Variants in CCAR1 observed in about 807,000 individuals in gnomAD.
CCAR1 encodes cell division cycle and apoptosis regulator 1.
Under a neutral mutation model 163.8 loss-of-function variants are expected in CCAR1, and 78 were observed. The ratio of observed to expected loss-of-function variants is 0.48; its 90% CI spans 0.40 to 0.57. CCAR1 has a LOEUF of 0.57. CCAR1 is among the 20% of genes least tolerant of loss of function. The probability of loss-of-function intolerance (pLI) is 0.00; values close to 1 mark genes in which losing one functional copy is unlikely to be tolerated. For synonymous variants in CCAR1, 443 were observed against 460.7 expected (o/e 0.96, Z 0.49); for missense variants, 1,019 against 1,365.2 (o/e 0.75, Z 4.00).
chr10:68,757,388 TA>T lies in CCAR1; in HGVS notation c.1920+13del. 7.2e-7 allele frequency: 1 copy of T among 1,382,456 alleles called. No individual in the cohort carries two copies. The highest frequency in any genetic ancestry group is 1.0e-6 in the Non-Finnish European group (1 of 978,784). 85.6% of individuals were successfully genotyped at this position (1,382,456 alleles called of 1,614,324 possible). ...CCAAAGACAATGAAGGTAACTTTGA[TA>T]AGGATGGATTTTATTTATTTTTTTC... On this transcript the variant is annotated intron_variant, in intron 15 of 24. Coordinates refer to ENST00000265872, the MANE Select transcript of CCAR1 (RefSeq NM_018237.4).
rs1487511922 is a variant in CCAR1, at chr10:68,792,052, C to G, written c.*786C>G. The G allele has an allele frequency of 6.9e-6, 1 of 144,804 alleles. No individual in the cohort carries two copies. Among genetic ancestry groups the G allele is most frequent in the East Asian group, 2.0e-4 (1 of 4,954 alleles). 9.0% of individuals were successfully genotyped at this position (144,804 alleles called of 1,614,324 possible). A position where few individuals can be genotyped will look rare whatever the true frequency, so the allele number is the denominator to read the frequency against. On this transcript the variant is annotated 3_prime_UTR_variant, in exon 25 of 25. Transcript: ENST00000265872. ...TGCAGCTACACTCCAGCCTGGGCGACAAGAGTGAAACTCCATCTCAAAAAG... is the reference window on the plus strand; with the variant it reads ...TGCAGCTACACTCCAGCCTGGGCGAGAAGAGTGAAACTCCATCTCAAAAAG...
At position 68,789,712 on chromosome 10, in the gene CCAR1, G is replaced by A; in HGVS notation, c.3190G>A (p.Glu1064Lys). The A allele has an allele frequency of 6.5e-7, 1 of 1,549,904 alleles. No homozygotes were observed. Among genetic ancestry groups the A allele is most frequent in the African/African-American group, 1.4e-5 (1 of 71,826 alleles). Reference sequence around the variant, plus strand: ...AATTTTTGGATTTTTTTAAACAGATGAAGATGAAAAAACCATATTAAATTT... The same window carrying A: ...AATTTTTGGATTTTTTTAAACAGATAAAGATGAAAAAACCATATTAAATTT... ...KLQLLEEKTD[E>K]DEKTILNLEN... Residue 1064 changes from glutamate (E) to lysine (K), a missense_variant and splice_region_variant, in exon 24 of 25, where the codon GAA becomes AAA. By Grantham distance (56) the Glu-to-Lys change is moderately conservative. Around this residue, in one of 4 missense-constraint regions of CCAR1, gnomAD observed 358 missense variants for 406.4 expected, o/e 0.88. Transcript: ENST00000265872.
At position 68,791,330 on chromosome 10, in the gene CCAR1, G is replaced by A; in HGVS notation, c.*64G>A. 1 of 1,143,688 alleles carries A rather than the reference G, an allele frequency of 8.7e-7. No individual in the cohort carries two copies. Among genetic ancestry groups the A allele is most frequent in the Non-Finnish European group, 1.3e-6 (1 of 786,056 alleles). 70.8% of individuals were successfully genotyped at this position (1,143,688 alleles called of 1,614,324 possible). ...GTAATATATAAAAATCATGATATAA[G>A]AATGTTTGAAGGTGATGCATGTTTG... On this transcript the variant is annotated 3_prime_UTR_variant, in exon 25 of 25. Transcript: ENST00000265872.
In CCAR1 at chr10:68,772,963, A is replaced by G. The variant is rs758527094; in HGVS notation, c.2539-25A>G. On this transcript the variant is annotated intron_variant, in intron 18 of 24. Transcript: ENST00000265872. ...CCGTCTTCTAAAAATAAGTAAATAA[A>G]TAATAAAGGCATTTTAAATTATAGA... is the stretch of plus-strand genomic sequence containing the variant. 6 of 1,193,074 alleles carry G rather than the reference A, an allele frequency of 5.0e-6. No individual in the cohort carries two copies. In the Admixed American group the frequency reaches 1.4e-4, roughly 28 times the overall value. The allele number at this position is 1,193,074 out of a possible 1,614,324, so 73.9% of individuals were successfully genotyped here.
At chr10:68,755,198 C>A in intron 12 of CCAR1, 172 bp from the exon 13 acceptor site, 1 of 765,864 alleles carries the variant, frequency 1.3e-6, no homozygotes, top group Non-Finnish European at 2.4e-6. Context: ...AAATCCTATT[C>A]CATTGCTGAA....
rs993801580 is a variant in CCAR1, at chr10:68,772,918, G to A, written c.2539-70G>A. Reference sequence around the variant, plus strand: ...TTGAGCCCACGGGTTGGAGACCAGCGTGGGCAATATGGCAAAACCCCGTCT... The same window carrying A: ...TTGAGCCCACGGGTTGGAGACCAGCATGGGCAATATGGCAAAACCCCGTCT... On this transcript the variant is annotated intron_variant, in intron 18 of 24. Transcript: ENST00000265872. The A allele has an allele frequency of 3.5e-5, 27 of 761,754 alleles. No homozygotes were observed. In the African/African-American group the frequency reaches 3.6e-4, roughly 10 times the overall value. The allele number at this position is 761,754 out of a possible 1,614,324, so 47.2% of individuals were successfully genotyped here. A position where few individuals can be genotyped will look rare whatever the true frequency, so the allele number is the denominator to read the frequency against.
intron 10 of CCAR1, among the ~76,000 whole-genome samples, chr10:68,752,580 A>G (rs1350677207): frequency 6.6e-6 from 1 of 152,192 alleles, no homozygotes; most frequent in African/African-American, 2.4e-5. Context: ...CAAATAAAGT[A>G]TAATTATAGG....
At chr10:68,743,100 T>C (rs887335988) in intron 6 of CCAR1, among the ~76,000 whole-genome samples, 5 of 151,852 alleles carry the variant, frequency 3.3e-5, no homozygotes, top group Admixed American at 2.0e-4. Flanking sequence ...GCCTGGCTCA[T>C]TTTTGTATTT....
chr10:68,771,260 C>T lies in CCAR1; in HGVS notation c.2353C>T (p.Arg785Cys), dbSNP rs774486246. 4 of 1,599,392 alleles carry T rather than the reference C, an allele frequency of 2.5e-6. No homozygotes were observed. The highest frequency in any genetic ancestry group is 3.4e-6 in the Non-Finnish European group (4 of 1,175,094). ...AATGCTTCAAAGAGATTTTGGTGTC[C>T]GTATATACAAATCATTACTGTCTCT... ...NEMLQRDFGV[R>C]IYKSLLSLPE... Residue 785 changes from arginine (R) to cysteine (C), a missense_variant, in exon 18 of 25, where the codon CGT becomes TGT. By Grantham distance (180) the Arg-to-Cys change is radical. This residue lies in a region of CCAR1 where 17 missense variants were observed against 36.6 expected (regional missense o/e 0.47). Transcript: ENST00000265872.
chr10:68,764,956 A>G (rs188639484), intron 16 of CCAR1, among the ~76,000 whole-genome samples: 1 of 152,258 alleles, frequency 6.6e-6, no homozygotes. Flanking sequence ...TTTGACCTCA[A>G]TACTTGAATC....
intron 16 of CCAR1, among the ~76,000 whole-genome samples, chr10:68,764,408 A>G (rs1163625481): frequency 1.3e-5 from 2 of 151,944 alleles, no homozygotes; most frequent in Non-Finnish European, 2.9e-5. Flanking sequence ...TTAGCCGAGC[A>G]TGGTCACATG....
At chr10:68,761,968 T>G (rs181262697) in intron 16 of CCAR1, among the ~76,000 whole-genome samples, 43 of 152,270 alleles carry the variant, frequency 2.8e-4, no homozygotes, top group Non-Finnish European at 4.9e-4. Flanking sequence ...TGAACAGTTC[T>G]GTGAGTTTTT....
chr10:68,780,403 C>A (rs952309193), intron 19 of CCAR1, among the ~76,000 whole-genome samples: 1 of 152,170 alleles, frequency 6.6e-6, no homozygotes, highest in African/African-American at 2.4e-5. Flanking sequence ...CTATGATGCC[C>A]AAGCTGATCT....
intron 19 of CCAR1, among the ~76,000 whole-genome samples, chr10:68,774,373 C>T (rs879635895): frequency 6.6e-6 from 1 of 152,020 alleles, no homozygotes. Context: ...TGTGCTGGCT[C>T]ATGCCTGTAA....
At chr10:68,776,646 T>A (rs535257924) in intron 19 of CCAR1, among the ~76,000 whole-genome samples, 4 of 152,308 alleles carry the variant, frequency 2.6e-5, no homozygotes, top group Admixed American at 1.3e-4. Flanking sequence ...CTGAAACTTC[T>A]AGGCTTAAGC....
chr10:68,758,577 G>A (rs1477689771), intron 15 of CCAR1, among the ~76,000 whole-genome samples: 1 of 146,584 alleles, frequency 6.8e-6, no homozygotes, highest in East Asian at 2.0e-4. Context: ...ATGTACACAC[G>A]TTTGTATATA....
In CCAR1 at chr10:68,767,927, C is replaced by A. The variant is rs2056555656; in HGVS notation, c.2298+1848C>A. ...TATCTTTAAGTGTAATTGCTTCACT[C>A]CTTAAAAATAGAATTTCCAACATAT... On this transcript the variant is annotated intron_variant, in intron 17 of 24. Coordinates refer to ENST00000265872, the MANE Select transcript of CCAR1 (RefSeq NM_018237.4). Among the ~76,000 whole-genome samples the A allele has an allele frequency of 2.0e-5, 3 of 152,300 alleles. No homozygotes were observed. The East Asian group carries it at 5.8e-4, about 29-fold the overall frequency.
At chr10:68,760,847 G>A in intron 15 of CCAR1, 160 bp from the exon 16 acceptor site, 1 of 454,364 alleles carries the variant, frequency 2.2e-6, no homozygotes, top group South Asian at 3.3e-5. Flanking sequence ...CTGGGCGACA[G>A]AGTTTGGCTC....
chr10:68,744,601 T>C (rs1039863737), intron 6 of CCAR1, among the ~76,000 whole-genome samples: 14 of 152,232 alleles, frequency 9.2e-5, no homozygotes, highest in African/African-American at 3.4e-4. Context: ...TTGTAGGAAA[T>C]ACTGTACAAC....
Sources: gnomAD v4.1 joint callset for allele counts (sites outside exome capture counted in the v4.1 genomes callset) on GRCh38, gnomAD v4.1.1 for gene constraint, gnomAD v4.1.1 regional missense constraint, MANE v1.5 for transcripts, NCBI Gene and HGNC (gene_info 2026-07-23, HGNC 2026-07-21) for gene names.